Variants in DAAM2 observed in about 807,000 individuals in gnomAD.
DAAM2 encodes disheveled-associated activator of morphogenesis 2.
A neutral mutation model predicts 120.7 loss-of-function variants in DAAM2; 39 were observed. The ratio of observed to expected loss-of-function variants is 0.32; its 90% CI spans 0.25 to 0.42. DAAM2 has a LOEUF of 0.42. DAAM2 is among the 10% of genes least tolerant of loss of function. The pLI, the probability that DAAM2 is intolerant of heterozygous loss-of-function variation, is 1.00. For missense variants in DAAM2, 1,283 were observed against 1,401.7 expected, an observed-to-expected ratio of 0.92 and a Z score of 1.35; for synonymous variants, 488 against 524.9, an observed-to-expected ratio of 0.93 and a Z score of 0.96.
rs914973067 is a variant in DAAM2 at position 39,884,233 on chromosome 6, CTGAA to C, written c.1953+168_1953+171del. On this transcript the variant is annotated intron_variant, in intron 15 of 24. Transcript: ENST00000274867. The stretch of plus-strand genomic sequence containing the variant: ...CTTTCCTTCCTTCCTCACATGTATA[CTGAA>C]TGATTTTATTCTTTATGAGGTGATG... The C allele has an allele frequency of 1.0e-5, 6 of 579,826 alleles. No individual in the cohort carries two copies. In the African/African-American group the frequency reaches 1.1e-4, roughly 11 times the overall value. 35.9% of individuals were successfully genotyped at this position (579,826 alleles called of 1,614,324 possible).
rs1367839064 is a variant in DAAM2 at position 39,884,030 on chromosome 6, G to A, written c.1914G>A (p.Glu638=). The change falls in exon 15 of 25, where the codon GAG becomes GAA. Residue 638 remains glutamate (E), a synonymous_variant. Coordinates refer to ENST00000274867, the MANE Select transcript of DAAM2 (RefSeq NM_001201427.2). The stretch of plus-strand genomic sequence containing the variant: ...AGGTATTTCGGATCCTGGACCTAGA[G>A]GATTTTGAAAAGATGTTTTCAGCCT... ...DMQVFRILDL[E]DFEKMFSAYQ... 4 of 1,613,116 alleles carry A rather than the reference G, an allele frequency of 2.5e-6. No homozygotes were observed. Among genetic ancestry groups the A allele is most frequent in the Non-Finnish European group, 3.4e-6 (4 of 1,179,360 alleles).
At chr6:39,887,894 T>C in intron 16 of DAAM2, 1 of 348,534 alleles carries the variant, frequency 2.9e-6, no homozygotes, top group Admixed American at 4.3e-5. Context: ...CCCCTAAGCA[T>C]TTCCCGCGGC....
chr6:39,832,621 G>A (rs555116509), intron 1 of DAAM2, among the ~76,000 whole-genome samples: 140 of 152,274 alleles, frequency 9.2e-4, no homozygotes, highest in Middle Eastern at 3.4e-3. Flanking sequence ...GCTTTGGAGC[G>A]AGGTCCCATC....
rs140311788 is a variant in DAAM2, at chr6:39,814,580, A to G, written c.-57+22115A>G. On this transcript the variant is annotated intron_variant, in intron 1 of 24. Transcript: ENST00000274867. ...TAAGATCCATGTGGCACAGCAGCAG[A>G]GCTGCAATTCAAACGCGTTCATCTT... is the stretch of plus-strand genomic sequence containing the variant. Among the ~76,000 whole-genome samples the G allele has an allele frequency of 7.8e-3, 1,195 of 152,394 alleles. 14 individuals carry two copies. The highest frequency in any genetic ancestry group is 0.026 in the African/African-American group (1,100 of 41,594).
intron 1 of DAAM2, among the ~76,000 whole-genome samples, chr6:39,801,070 T>C (rs531330411): frequency 1.2e-4 from 18 of 152,340 alleles, no homozygotes; most frequent in Non-Finnish European, 2.5e-4. Context: ...CTCATGGGGT[T>C]GTTGAGACAA....
At position 39,795,519 on chromosome 6, in the gene DAAM2, C is replaced by T. The variant is rs75084212; in HGVS notation, c.-57+3054C>T. Among the ~76,000 whole-genome samples, 1,013 of 152,320 alleles carry T rather than the reference C, an allele frequency of 6.7e-3. 11 individuals are homozygous for T. The highest frequency in any genetic ancestry group is 0.02 in the African/African-American group (850 of 41,566). On this transcript the variant is annotated intron_variant, in intron 1 of 24. Transcript: ENST00000274867. The stretch of plus-strand genomic sequence containing the variant: ...TGTAAAATAAGGATAGTATTTCCCT[C>T]CCCAGGTCATTATGAAAACATTTAT...
chr6:39,823,554 G>C (rs1032194575), intron 1 of DAAM2, among the ~76,000 whole-genome samples: 1 of 152,120 alleles, frequency 6.6e-6, no homozygotes, highest in African/African-American at 2.4e-5. Context: ...GACTTGTGCC[G>C]GGAAGGGGGA....
chr6:39,884,345 T>A, intron 15 of DAAM2: 1 of 341,178 alleles, frequency 2.9e-6, no homozygotes, highest in Admixed American at 4.1e-5. Flanking sequence ...TGGTTCATAT[T>A]TATACACCAA....
intron 1 of DAAM2, among the ~76,000 whole-genome samples, chr6:39,803,135 C>T (rs563973110): frequency 1.3e-5 from 2 of 152,226 alleles, no homozygotes; most frequent in South Asian, 4.1e-4. Flanking sequence ...TTGTGAGTAG[C>T]CTTGCTGTGA....
intron 7 of DAAM2, among the ~76,000 whole-genome samples, chr6:39,869,744 G>T (rs1253316221): frequency 2.2e-5 from 3 of 139,114 alleles, no homozygotes; most frequent in African/African-American, 8.1e-5. Context: ...CCTCTTTTCC[G>T]CCAGCATACT....
At chr6:39,853,543 C>T (rs915741571) in intron 1 of DAAM2, among the ~76,000 whole-genome samples, 5 of 152,174 alleles carry the variant, frequency 3.3e-5, no homozygotes, top group South Asian at 2.1e-4. Context: ...ATGGCACAGG[C>T]CCTGGCCAGT....
At chr6:39,812,663 C>G (rs62401816) in intron 1 of DAAM2, among the ~76,000 whole-genome samples, 41,354 of 151,654 alleles carry the variant, frequency 0.27, 6,773 homozygotes, top group South Asian at 0.37. Flanking sequence ...CAGCAGGTAG[C>G]TTTTGGAGTG....
At chr6:39,862,397 G>A (rs955541537) in intron 3 of DAAM2, 1 of 151,782 alleles carries the variant, frequency 6.6e-6, no homozygotes, top group Non-Finnish European at 1.5e-5. Context: ...AGGAAGGAAA[G>A]AAATTTCAGG....
intron 1 of DAAM2, among the ~76,000 whole-genome samples, chr6:39,797,945 A>G (rs1464098732): frequency 6.6e-6 from 1 of 152,250 alleles, no homozygotes; most frequent in Non-Finnish European, 1.5e-5. Context: ...TTTTATAGAT[A>G]AAGTTTTATT....
At chr6:39,861,430 G>T (rs1764209267) in intron 3 of DAAM2, 1 of 344,224 alleles carries the variant, frequency 2.9e-6, no homozygotes. Flanking sequence ...TCTGTCCCAG[G>T]CTAGGGCTCA....
chr6:39,890,957 T>C (rs1315527156), intron 17 of DAAM2, among the ~76,000 whole-genome samples: 1 of 151,988 alleles, frequency 6.6e-6, no homozygotes, highest in African/African-American at 2.4e-5. Flanking sequence ...TAACCCAGTA[T>C]GTGCTACATG....
chr6:39,837,263 G>A (rs1763136954), intron 1 of DAAM2, among the ~76,000 whole-genome samples: 1 of 152,122 alleles, frequency 6.6e-6, no homozygotes. Flanking sequence ...TTGGCAGTGG[G>A]GTCAGGAGCT....
At chr6:39,823,562 G>A (rs183674354) in intron 1 of DAAM2, among the ~76,000 whole-genome samples, 1 of 152,300 alleles carries the variant, frequency 6.6e-6, no homozygotes, top group Non-Finnish European at 1.5e-5. Flanking sequence ...CCGGGAAGGG[G>A]GAAGTGTGGG....
In DAAM2 at chr6:39,901,337, C is replaced by T; in HGVS notation, c.2847C>T (p.Asp949=). The change falls in exon 24 of 25, where the codon GAC becomes GAT. Residue 949 remains aspartate, a synonymous_variant. Coordinates refer to ENST00000274867, the MANE Select transcript of DAAM2 (RefSeq NM_001201427.2). The surrounding 1 kb of genome is among the most constrained non-coding windows in gnomAD (Gnocchi z 4.5). ...AKALMHFGEH[D]SKMQPDEFFG... is the part of the protein sequence containing the mutation. ...CCTTGATGCACTTCGGGGAGCATGA[C>T]AGCAAGATGCAGCCAGACGAATTCT... 6.2e-7 allele frequency: 1 copy of T among 1,613,960 alleles called. No individual in the cohort carries two copies. Among genetic ancestry groups the T allele is most frequent in the Non-Finnish European group, 8.5e-7 (1 of 1,179,870 alleles).
Sources: allele counts gnomAD v4.1 joint callset (sites outside exome capture counted in the v4.1 genomes callset), GRCh38; gene constraint gnomAD v4.1.1; non-coding constraint Gnocchi (gnomAD v3.1); transcripts MANE v1.5; gene names NCBI Gene and HGNC (gene_info 2026-07-23, HGNC 2026-07-21).